RAPGEF6: variants seen among roughly 807,000 people sequenced by gnomAD.
The protein encoded by RAPGEF6 is PDZ domain containing guanine nucleotide exchange factor (GEF) 2.
A neutral mutation model predicts 171.4 loss-of-function variants in RAPGEF6; 56 were observed. That is an observed-to-expected ratio of 0.33 (90% confidence interval 0.26 to 0.41). The LOEUF (loss-of-function observed/expected upper bound fraction) is 0.41. Among genes scored for constraint, RAPGEF6 ranks in the 10% least tolerant of loss-of-function variants. The probability of loss-of-function intolerance (pLI) is 1.00; values close to 1 mark genes in which losing one functional copy is unlikely to be tolerated. For missense variants in RAPGEF6, 1,674 were observed against 1,921.4 expected, an observed-to-expected ratio of 0.87 and a Z score of 2.41; for synonymous variants, 692 against 650.1, an observed-to-expected ratio of 1.06 and a Z score of -0.98.
intron 1 of RAPGEF6, among the ~76,000 whole-genome samples, chr5:131,609,273 A>C (rs1764801617): frequency 2.0e-5 from 3 of 152,220 alleles, no homozygotes; most frequent in Admixed American, 1.3e-4. Flanking sequence ...AACACAAAAC[A>C]GACAAGACAG....
chr5:131,530,048 C>G (rs1404178568), intron 6 of RAPGEF6, among the ~76,000 whole-genome samples: 1 of 150,486 alleles, frequency 6.6e-6, no homozygotes, highest in Non-Finnish European at 1.5e-5. Flanking sequence ...GCTGGGACTA[C>G]AGATATGTGG....
At position 131,472,715 on chromosome 5, in the gene RAPGEF6, T is replaced by C; in HGVS notation, c.2111A>G (p.Asp704Gly). The change falls in exon 17 of 28, where the codon GAC becomes GGC. Residue 704 changes from aspartate to glycine, a missense_variant. Around this residue, in one of 3 missense-constraint regions of RAPGEF6, gnomAD observed 1,116 missense variants for 1,321.5 expected, o/e 0.84. Coordinates refer to ENST00000509018, the MANE Select transcript of RAPGEF6 (RefSeq NM_016340.6). ...ACAGTGCCTTGTTCCCACAATGCTG[T>C]CATCTTGTGATTGGCTTAGGCCTCC... ...SDGGLSQSQDDSIVGTRHCRH... is the reference protein window; with the variant it reads ...SDGGLSQSQDGSIVGTRHCRH... The C allele has an allele frequency of 6.2e-7, 1 of 1,612,528 alleles. No homozygotes were observed. The highest frequency in any genetic ancestry group is 8.5e-7 in the Non-Finnish European group (1 of 1,178,486).
At chr5:131,600,436 C>T (rs565994731) in intron 3 of RAPGEF6, among the ~76,000 whole-genome samples, 3 of 151,870 alleles carry the variant, frequency 2.0e-5, no homozygotes, top group South Asian at 2.1e-4. Flanking sequence ...GCAGGAGAAT[C>T]GTATGAACCC....
intron 3 of RAPGEF6, among the ~76,000 whole-genome samples, chr5:131,599,224 G>A (rs1453782274): frequency 6.6e-6 from 1 of 152,146 alleles, no homozygotes; most frequent in Non-Finnish European, 1.5e-5. Flanking sequence ...CTACTCGGGA[G>A]GCTGAGGCAT....
intron 19 of RAPGEF6, among the ~76,000 whole-genome samples, chr5:131,460,291 T>C (rs982754741): frequency 3.9e-5 from 6 of 152,156 alleles, no homozygotes; most frequent in Non-Finnish European, 8.8e-5. Context: ...ACTGTGCTAC[T>C]CTGTTTCTTG....
At chr5:131,623,689 C>A (rs374318913) in intron 1 of RAPGEF6, among the ~76,000 whole-genome samples, 1 of 151,728 alleles carries the variant, frequency 6.6e-6, no homozygotes, top group African/African-American at 2.4e-5. Flanking sequence ...TTCTCCATGT[C>A]GGTCAGGCTG....
intron 5 of RAPGEF6, among the ~76,000 whole-genome samples, chr5:131,557,622 G>A (rs950319567): frequency 2.0e-5 from 3 of 152,060 alleles, no homozygotes; most frequent in Non-Finnish European, 4.4e-5. Flanking sequence ...CCAAATGTTG[G>A]GAGAAAGTTT....
chr5:131,575,428 C>T (rs1181241512), intron 4 of RAPGEF6, among the ~76,000 whole-genome samples: 1 of 152,142 alleles, frequency 6.6e-6, no homozygotes, highest in Non-Finnish European at 1.5e-5. Flanking sequence ...CCCTCTAAAG[C>T]CCAGATTTCT....
chr5:131,584,365 T>G (rs572041342), intron 4 of RAPGEF6, among the ~76,000 whole-genome samples: 1 of 152,348 alleles, frequency 6.6e-6, no homozygotes, highest in East Asian at 1.9e-4. Flanking sequence ...GAAAGAGATC[T>G]GATCTAACCA....
At chr5:131,631,659 T>G (rs904820953) in intron 1 of RAPGEF6, among the ~76,000 whole-genome samples, 1 of 152,174 alleles carries the variant, frequency 6.6e-6, no homozygotes, top group Admixed American at 6.5e-5. Flanking sequence ...GACTACCCAG[T>G]AAGGTAGTCA....
chr5:131,530,824 A>G lies in RAPGEF6; in HGVS notation c.496-9303T>C, dbSNP rs371902384. Among the ~76,000 whole-genome samples, 12 of 152,266 alleles carry G rather than the reference A, an allele frequency of 7.9e-5. No homozygotes were observed. The East Asian group carries it at 2.1e-3, about 27-fold the overall frequency. ...CTGGTTACCTTAAAAAACAACCCCTATATCTCATTCTTAATTTTCTTTAAA... is the reference window on the plus strand; with the variant it reads ...CTGGTTACCTTAAAAAACAACCCCTGTATCTCATTCTTAATTTTCTTTAAA... On this transcript the variant is annotated intron_variant, in intron 6 of 27. Coordinates refer to ENST00000509018, the MANE Select transcript of RAPGEF6 (RefSeq NM_016340.6).
intron 17 of RAPGEF6, among the ~76,000 whole-genome samples, chr5:131,467,178 ATCT>A (rs1754413637): frequency 6.6e-6 from 1 of 152,250 alleles, no homozygotes; most frequent in Non-Finnish European, 1.5e-5. Flanking sequence ...ATACTGTAAC[ATCT>A]TCTGGGAAGG....
At chr5:131,428,524 G>C (rs190780569) in intron 27 of RAPGEF6, among the ~76,000 whole-genome samples, 219 of 151,486 alleles carry the variant, frequency 1.4e-3, no homozygotes, top group African/African-American at 5.0e-3. Flanking sequence ...GCAATGGTGC[G>C]ATCTTGGCTC....
rs781709721 is a variant in RAPGEF6, at chr5:131,562,057, C to A, written c.282-10G>T. ...AAACTGCTTACCAAAACTATAAAAA[C>A]AGAAAAACAATTTCTTTAGCAAAGG... On this transcript the variant is annotated splice_polypyrimidine_tract_variant and intron_variant, in intron 4 of 27. Transcript: ENST00000509018. 6.5e-7 allele frequency: 1 copy of A among 1,533,704 alleles called. No individual in the cohort carries two copies. The highest frequency in any genetic ancestry group is 1.2e-5 in the South Asian group (1 of 83,058).
intron 22 of RAPGEF6, among the ~76,000 whole-genome samples, chr5:131,444,155 C>A (rs1269001656): frequency 6.6e-6 from 1 of 152,134 alleles, no homozygotes; most frequent in Non-Finnish European, 1.5e-5. Flanking sequence ...TAAACTGTCT[C>A]AACACAGCTA....
chr5:131,472,439 A>C (rs890737186), intron 17 of RAPGEF6, 148 bp downstream of exon 17: 12 of 888,222 alleles, frequency 1.4e-5, no homozygotes, highest in Non-Finnish European at 3.6e-6. Flanking sequence ...TAACAGAACA[A>C]GTCAATCTCC....
At chr5:131,545,420 AC>A (rs1760456494) in intron 6 of RAPGEF6, among the ~76,000 whole-genome samples, 1 of 152,134 alleles carries the variant, frequency 6.6e-6, no homozygotes, top group Non-Finnish European at 1.5e-5. Context: ...GAAAAAAAAA[AC>A]AAACTCAAAT....
At position 131,508,179 on chromosome 5, in the gene RAPGEF6, G is replaced by A. The variant is rs1295481022; in HGVS notation, c.834C>T (p.Leu278=). 6.2e-7 allele frequency: 1 copy of A among 1,611,936 alleles called. No homozygotes were observed. The highest frequency in any genetic ancestry group is 1.3e-5 in the African/African-American group (1 of 74,878). The change falls in exon 9 of 28, where the codon CTC becomes CTT. Residue 278 remains leucine, a synonymous_variant. Transcript: ENST00000509018. ...IEQLLEFMHQ[L]PAFANMTMSV... is the part of the protein sequence containing the mutation. The stretch of plus-strand genomic sequence containing the variant: ...ACATGGTCATGTTTGCAAATGCAGG[G>A]AGCTGGTGCATAAACTCCAGCAATT...
chr5:131,529,410 A>G (rs140127108), intron 6 of RAPGEF6, among the ~76,000 whole-genome samples: 3,029 of 150,600 alleles, frequency 0.02, 101 homozygotes, highest in African/African-American at 0.07. Flanking sequence ...CGGGAGGTGG[A>G]GGTTGCAGTG....
Sources: gnomAD v4.1 joint callset for allele counts (sites outside exome capture counted in the v4.1 genomes callset) on GRCh38, gnomAD v4.1.1 for gene constraint, gnomAD v4.1.1 regional missense constraint, MANE v1.5 for transcripts, NCBI Gene and HGNC (gene_info 2026-07-23, HGNC 2026-07-21) for gene names.